ANKS1B: variants seen among roughly 807,000 people sequenced by gnomAD.
ANKS1B encodes ankyrin repeat and sterile alpha motif domain-containing protein 1B.
ANKS1B carries 36 observed loss-of-function variants against 148.3 expected under a neutral mutation model. The observed-to-expected ratio is 0.24, with a 90% CI of 0.19 to 0.32. ANKS1B has a LOEUF of 0.32. Ranked by LOEUF, ANKS1B falls within the 10% of genes least tolerant of loss-of-function variation. The probability of loss-of-function intolerance (pLI) is 1.00; values close to 1 mark genes in which losing one functional copy is unlikely to be tolerated. For missense variants in ANKS1B, 1,157 were observed against 1,542.6 expected, an observed-to-expected ratio of 0.75 and a Z score of 4.19; for synonymous variants, 542 against 560.8, an observed-to-expected ratio of 0.97 and a Z score of 0.47.
intron 9 of ANKS1B, among the ~76,000 whole-genome samples, chr12:99,605,136 T>A (rs947518852): frequency 2.0e-5 from 3 of 152,040 alleles, no homozygotes; most frequent in Non-Finnish European, 2.9e-5. Context: ...TTTAAATAAA[T>A]TTTAAATAAA....
At chr12:99,461,833 C>T (rs1045627237) in intron 10 of ANKS1B, among the ~76,000 whole-genome samples, 1 of 152,194 alleles carries the variant, frequency 6.6e-6, no homozygotes, top group Non-Finnish European at 1.5e-5. Flanking sequence ...CCATGTATTT[C>T]ATTATGAACA....
chr12:99,046,689 C>CT (rs1160219547), intron 17 of ANKS1B, among the ~76,000 whole-genome samples: 1 of 151,752 alleles, frequency 6.6e-6, no homozygotes, highest in East Asian at 1.9e-4. Flanking sequence ...GTCCCAGCTA[C>CT]TTGGAAGGCT....
intron 8 of ANKS1B, among the ~76,000 whole-genome samples, chr12:99,715,140 T>A (rs113242647): frequency 4.2e-5 from 4 of 96,014 alleles, no homozygotes; most frequent in South Asian, 3.3e-4. Flanking sequence ...AAATAAAAAA[T>A]AATAAATAAA....
At chr12:99,215,204 A>T (rs1034165866) in intron 14 of ANKS1B, among the ~76,000 whole-genome samples, 1 of 152,240 alleles carries the variant, frequency 6.6e-6, no homozygotes. Flanking sequence ...GGTGCACAGA[A>T]GTCAAGAATT....
chr12:99,869,451 A>C (rs60614735), intron 1 of ANKS1B, among the ~76,000 whole-genome samples: 1,834 of 152,280 alleles, frequency 0.012, 36 homozygotes, highest in African/African-American at 0.042. Context: ...AGGCAGGAGG[A>C]TCACCTGAGG....
intron 1 of ANKS1B, among the ~76,000 whole-genome samples, chr12:99,960,998 C>T (rs533632282): frequency 3.3e-5 from 5 of 152,048 alleles, no homozygotes; most frequent in Non-Finnish European, 7.4e-5. Flanking sequence ...GAGGCCGAGG[C>T]GGACGGATCA....
intron 11 of ANKS1B, among the ~76,000 whole-genome samples, chr12:99,416,588 T>G (rs1314015938): frequency 6.6e-6 from 1 of 152,218 alleles, no homozygotes; most frequent in Non-Finnish European, 1.5e-5. Context: ...GCGTCTCCCT[T>G]GTGGATAATG....
At chr12:98,955,739 A>G (rs1350263361) in intron 17 of ANKS1B, among the ~76,000 whole-genome samples, 1 of 152,232 alleles carries the variant, frequency 6.6e-6, no homozygotes, top group African/African-American at 2.4e-5. Context: ...TGCAGCTGCC[A>G]TCAAGTGAGA....
chr12:99,637,589 G>A (rs1465724815), intron 9 of ANKS1B, among the ~76,000 whole-genome samples: 1 of 151,962 alleles, frequency 6.6e-6, no homozygotes, highest in African/African-American at 2.4e-5. Flanking sequence ...ATAAAAGCAG[G>A]CAGAAGAACG....
chr12:99,317,098 G>C (rs1311988742), intron 12 of ANKS1B, among the ~76,000 whole-genome samples: 1 of 152,148 alleles, frequency 6.6e-6, no homozygotes, highest in Admixed American at 6.5e-5. Context: ...AAGTCAGGTA[G>C]CGTGATGCCT....
At chr12:99,239,062 A>C (rs2088661442) in intron 14 of ANKS1B, among the ~76,000 whole-genome samples, 1 of 152,196 alleles carries the variant, frequency 6.6e-6, no homozygotes. Context: ...TAGACAGAGA[A>C]TGAGTTTGAT....
rs115532416 is a variant in ANKS1B, at chr12:98,878,870, C to T, written c.2779-46734G>A. Among the ~76,000 whole-genome samples the T allele has an allele frequency of 4.1e-3, 626 of 152,230 alleles. 4 individuals carry two copies. Among genetic ancestry groups the T allele is most frequent in the African/African-American group, 0.015 (604 of 41,524 alleles). On this transcript the variant is annotated intron_variant, in intron 17 of 26. Coordinates refer to ENST00000683438, the MANE Select transcript of ANKS1B (RefSeq NM_001352186.2). ...TTGCTTTCACCCCTTGCATACAAAG[C>T]GGGTTTCAAAACCTATGTAGTTTCG... is the stretch of plus-strand genomic sequence containing the variant.
intron 15 of ANKS1B, among the ~76,000 whole-genome samples, chr12:99,108,182 T>C (rs147420029): frequency 4.6e-5 from 7 of 152,336 alleles, no homozygotes; most frequent in South Asian, 2.1e-4. Context: ...AAGTAGGTGA[T>C]GATGCTGAAA....
At chr12:99,923,956 A>G (rs1033382436) in intron 1 of ANKS1B, among the ~76,000 whole-genome samples, 3 of 152,188 alleles carry the variant, frequency 2.0e-5, no homozygotes, top group African/African-American at 7.2e-5. Flanking sequence ...TATTTTGTTC[A>G]TCACAGACTT....
chr12:99,907,314 C>G (rs1404877236), intron 1 of ANKS1B, among the ~76,000 whole-genome samples: 3 of 152,220 alleles, frequency 2.0e-5, no homozygotes, highest in African/African-American at 7.2e-5. Flanking sequence ...CCCTCTTCCA[C>G]AGCCCCATGC....
intron 1 of ANKS1B, among the ~76,000 whole-genome samples, chr12:99,864,324 GA>G (rs2090450951): frequency 6.6e-6 from 1 of 151,940 alleles, no homozygotes; most frequent in African/African-American, 2.4e-5. Context: ...CACAATTATT[GA>G]AAATATTTAA....
At chr12:98,865,023 G>A (rs1310991373) in intron 17 of ANKS1B, among the ~76,000 whole-genome samples, 1 of 152,056 alleles carries the variant, frequency 6.6e-6, no homozygotes, top group East Asian at 1.9e-4. Context: ...ATCAAATCAT[G>A]TGCCTTCTCT....
intron 12 of ANKS1B, among the ~76,000 whole-genome samples, chr12:99,266,412 CT>C (rs576899904): frequency 6.6e-6 from 1 of 152,092 alleles, no homozygotes; most frequent in Non-Finnish European, 1.5e-5. Flanking sequence ...TTATTTAAGG[CT>C]TATAAAAATT....
intron 17 of ANKS1B, among the ~76,000 whole-genome samples, chr12:98,897,805 T>C (rs1390391715): frequency 1.3e-5 from 2 of 152,146 alleles, no homozygotes; most frequent in East Asian, 1.9e-4. Flanking sequence ...AGAAAAGATA[T>C]GGAATCAACC....
Sources: gnomAD v4.1 joint callset for allele counts (sites outside exome capture counted in the v4.1 genomes callset) on GRCh38, gnomAD v4.1.1 for gene constraint, MANE v1.5 for transcripts, NCBI Gene and HGNC (gene_info 2026-07-23, HGNC 2026-07-21) for gene names.